Variants in CDC42BPB observed in about 807,000 individuals in gnomAD.
The protein encoded by CDC42BPB is serine/threonine-protein kinase MRCK beta.
CDC42BPB carries 37 observed loss-of-function variants against 214.9 expected under a neutral mutation model. The observed-to-expected ratio is 0.17, with a 90% CI of 0.13 to 0.23. The LOEUF (loss-of-function observed/expected upper bound fraction) is 0.23. Ranked by LOEUF, CDC42BPB falls within the 10% of genes least tolerant of loss-of-function variation. The probability of loss-of-function intolerance (pLI) is 1.00; values close to 1 mark genes in which losing one functional copy is unlikely to be tolerated. For synonymous variants in CDC42BPB, 931 were observed against 884.0 expected (o/e 1.05, Z -0.94); for missense variants, 1,694 against 2,227.0 (o/e 0.76, Z 4.82).
chr14:102,964,855 A>T (rs997906388), intron 18 of CDC42BPB: 1 of 674,548 alleles, frequency 1.5e-6, no homozygotes, highest in Non-Finnish European at 1.8e-6. Context: ...TCTAAAAAAT[A>T]ACTAAATAAT....
At chr14:102,942,178 G>A (rs1215036587) in intron 30 of CDC42BPB, among the ~76,000 whole-genome samples, 1 of 152,232 alleles carries the variant, frequency 6.6e-6, no homozygotes, top group African/African-American at 2.4e-5. Context: ...GAGGCAGCGG[G>A]ACTGGCCCCT....
In CDC42BPB at chr14:103,011,647, G is replaced by A. The variant is rs2139640461; in HGVS notation, c.267+450C>T. 2.0e-5 allele frequency among the ~76,000 whole-genome samples: 3 copies of A among 152,256 alleles called. 1 individual carries two copies. Among genetic ancestry groups the A allele is most frequent in the Admixed American group, 2.0e-4 (3 of 15,296 alleles). Reference sequence around the variant, plus strand: ...TAGTCCCAGCTACTCGGAAGGCTGAGGCATGAGGATAGCTTGAACCCAGAA... The same window carrying A: ...TAGTCCCAGCTACTCGGAAGGCTGAAGCATGAGGATAGCTTGAACCCAGAA... On this transcript the variant is annotated intron_variant, in intron 2 of 36. Coordinates refer to ENST00000361246, the MANE Select transcript of CDC42BPB (RefSeq NM_006035.4).
intron 33 of CDC42BPB, 33 bp from the exon 34 acceptor site, chr14:102,939,760 A>C: frequency 6.2e-7 from 1 of 1,614,076 alleles, no homozygotes; most frequent in African/African-American, 1.3e-5. Flanking sequence ...AGATTCATGG[A>C]TACGTGAGAA....
Position 103,057,318 on chromosome 14 carries a change from G to A in CDC42BPB, c.-145C>T. 1.9e-6 allele frequency: 2 copies of A among 1,046,506 alleles called. No homozygotes were observed. Among genetic ancestry groups the A allele is most frequent in the Non-Finnish European group, 2.3e-6 (2 of 871,852 alleles). 64.8% of individuals were successfully genotyped at this position (1,046,506 alleles called of 1,614,324 possible). A position where few individuals can be genotyped will look rare whatever the true frequency, so the allele number is the denominator to read the frequency against. On this transcript the variant is annotated 5_prime_UTR_variant, in exon 1 of 37. Coordinates refer to ENST00000361246, the MANE Select transcript of CDC42BPB (RefSeq NM_006035.4). ...CGCCCCGTCCGCGTCGTCGCGCCCC[G>A]GCCTAGGCCGACATCTTGGGCTCCG...
intron 4 of CDC42BPB, among the ~76,000 whole-genome samples, chr14:103,003,012 G>A (rs1015636073): frequency 5.9e-5 from 9 of 152,108 alleles, no homozygotes; most frequent in African/African-American, 9.7e-5. Flanking sequence ...CCAATGGAGC[G>A]CACAACCCAG....
intron 4 of CDC42BPB, among the ~76,000 whole-genome samples, chr14:103,000,440 G>A (rs972437045): frequency 3.3e-5 from 5 of 152,254 alleles, no homozygotes; most frequent in Non-Finnish European, 4.4e-5. Flanking sequence ...ACAGTCTGTG[G>A]AGGCCCCAGT....
rs915782035 is a variant in CDC42BPB at position 102,946,851 on chromosome 14, C to T, written c.3532-167G>A. ...TCGCTGGGCGCCTTGCAGAGGCTCC[C>T]GCGGCAGGACACGGAAGGGGCGGGG... On this transcript the variant is annotated intron_variant, in intron 27 of 36. Coordinates refer to ENST00000361246, the MANE Select transcript of CDC42BPB (RefSeq NM_006035.4). 32 of 985,472 alleles carry T rather than the reference C, an allele frequency of 3.2e-5. No homozygotes were observed. In the African/African-American group the frequency reaches 3.5e-4, roughly 11 times the overall value. 61.0% of individuals were successfully genotyped at this position (985,472 alleles called of 1,614,324 possible).
intron 14 of CDC42BPB, 63 bp from the exon 15 acceptor site, chr14:102,968,779 T>C (rs1264142328): frequency 6.3e-7 from 1 of 1,584,264 alleles, no homozygotes; most frequent in Admixed American, 1.7e-5. Context: ...CACTGTCCTT[T>C]CAACCCCTTT....
At chr14:102,983,857 A>G in intron 6 of CDC42BPB, 101 bp from the exon 7 acceptor site, 4 of 1,483,350 alleles carry the variant, frequency 2.7e-6, no homozygotes, top group Non-Finnish European at 3.6e-6. Flanking sequence ...AAATGAAATA[A>G]TCATAGAATA....
intron 7 of CDC42BPB, among the ~76,000 whole-genome samples, chr14:102,982,047 C>A (rs1006838266): frequency 2.0e-5 from 3 of 152,150 alleles, no homozygotes; most frequent in Admixed American, 1.3e-4. Flanking sequence ...ACCCAAGAGC[C>A]CACAGGTGGT....
At chr14:102,945,634 C>A (rs1289706842) in intron 29 of CDC42BPB, 28 bp downstream of exon 29, 1 of 1,603,954 alleles carries the variant, frequency 6.2e-7, no homozygotes, top group Admixed American at 1.7e-5. Context: ...CTGTGACATC[C>A]CAGGCTGGAA....
chr14:102,933,724 G>A lies in CDC42BPB; in HGVS notation c.5124C>T (p.Ala1708=). 1 of 1,477,872 alleles carries A rather than the reference G, an allele frequency of 6.8e-7. No individual in the cohort carries two copies. Among genetic ancestry groups the A allele is most frequent in the Non-Finnish European group, 8.9e-7 (1 of 1,129,386 alleles). The allele number at this position is 1,477,872 out of a possible 1,614,324, so 91.5% of individuals were successfully genotyped here. Residue 1708 remains alanine (A), a synonymous_variant, in exon 37 of 37, where the codon GCC becomes GCT. Coordinates refer to ENST00000361246, the MANE Select transcript of CDC42BPB (RefSeq NM_006035.4). The part of the protein sequence containing the change: ...QLPLEGLEQP[A]CDT ...CGAGCTGGCGGCTTCAGGTGTCACA[G>A]GCCGGCTGCTCCAGGCCTTCGAGGG...
In CDC42BPB at chr14:102,944,834, G is replaced by C. The variant is rs1359058438; in HGVS notation, c.3812-347C>G. Reference sequence around the variant, plus strand: ...TCCTCGCGCAGCAAGGCCCTGGGGTGATCTGGGCCTCCTTCCAGCTCATCC... The same window carrying C: ...TCCTCGCGCAGCAAGGCCCTGGGGTCATCTGGGCCTCCTTCCAGCTCATCC... On this transcript the variant is annotated intron_variant, in intron 29 of 36. Transcript: ENST00000361246. The surrounding 1 kb of genome is among the most constrained non-coding windows in gnomAD (Gnocchi z 6.6). Among the ~76,000 whole-genome samples the C allele has an allele frequency of 6.6e-6, 1 of 152,168 alleles. No individual in the cohort carries two copies. The highest frequency in any genetic ancestry group is 1.5e-5 in the Non-Finnish European group (1 of 68,012).
intron 8 of CDC42BPB, among the ~76,000 whole-genome samples, chr14:102,979,513 A>G (rs570524041): frequency 1.5e-3 from 232 of 152,206 alleles, no homozygotes; most frequent in Non-Finnish European, 3.0e-3. Context: ...CACCCGGCCC[A>G]GATTTACCTT....
At chr14:102,950,234 CA>C (rs1255384255) in intron 25 of CDC42BPB, among the ~76,000 whole-genome samples, 1 of 152,258 alleles carries the variant, frequency 6.6e-6, no homozygotes, top group African/African-American at 2.4e-5. Flanking sequence ...ACACTCAGCC[CA>C]GGATGGACTC....
chr14:103,010,646 T>C (rs764295272), intron 2 of CDC42BPB, among the ~76,000 whole-genome samples: 7 of 152,158 alleles, frequency 4.6e-5, no homozygotes, highest in Non-Finnish European at 7.4e-5. Context: ...CCTTGTTTGA[T>C]TTTTCCTCAG....
intron 1 of CDC42BPB, among the ~76,000 whole-genome samples, chr14:103,053,646 C>T (rs1239890779): frequency 6.6e-6 from 1 of 150,908 alleles, no homozygotes; most frequent in East Asian, 2.0e-4. Flanking sequence ...CCTGTAGTCC[C>T]AGCTACTCAG....
chr14:102,952,297 A>C (rs1892525280), intron 24 of CDC42BPB, among the ~76,000 whole-genome samples: 1 of 152,226 alleles, frequency 6.6e-6, no homozygotes, highest in Admixed American at 6.5e-5. Flanking sequence ...TGATTGCACC[A>C]CTGCACTGAA....
At chr14:102,986,809 G>A (rs1595496728) in intron 5 of CDC42BPB, 11 of 824,582 alleles carry the variant, frequency 1.3e-5, no homozygotes, top group South Asian at 5.5e-5. Flanking sequence ...GCCCTGTGAC[G>A]ATTCCTACTC....
Sources: allele counts gnomAD v4.1 joint callset (sites outside exome capture counted in the v4.1 genomes callset), GRCh38; gene constraint gnomAD v4.1.1; non-coding constraint Gnocchi (gnomAD v3.1); transcripts MANE v1.5; gene names NCBI Gene and HGNC (gene_info 2026-07-23, HGNC 2026-07-21).